The following GRID2 variants were observed in gnomAD, a reference collection of about 807,000 sequenced individuals.
The protein encoded by GRID2 is glutamate receptor ionotropic, delta-2.
GRID2 carries 33 observed loss-of-function variants against 114.8 expected under a neutral mutation model. The ratio of observed to expected loss-of-function variants is 0.29; its 90% CI spans 0.22 to 0.38. The LOEUF (loss-of-function observed/expected upper bound fraction) is 0.38. Among genes scored for constraint, GRID2 ranks in the 10% least tolerant of loss-of-function variants. GRID2 has a pLI of 1.00. For synonymous variants in GRID2, 505 were observed against 449.9 expected, an observed-to-expected ratio of 1.12 and a Z score of -1.55; for missense variants, 1,184 against 1,257.7, an observed-to-expected ratio of 0.94 and a Z score of 0.89.
chr4:92,839,431 A>T (rs1449882132), intron 2 of GRID2, among the ~76,000 whole-genome samples: 6 of 66,566 alleles, frequency 9.0e-5, no homozygotes, highest in Admixed American at 6.4e-4. Context: ...CCCCCACCAC[A>T]CAACAGTCCC....
chr4:92,959,567 G>A (rs765277453), intron 2 of GRID2, among the ~76,000 whole-genome samples: 4 of 151,930 alleles, frequency 2.6e-5, no homozygotes, highest in Admixed American at 6.6e-5. Flanking sequence ...TATGTTTATT[G>A]CAGCACTATT....
chr4:92,716,183 C>T (rs549183367), intron 2 of GRID2, among the ~76,000 whole-genome samples: 50 of 152,220 alleles, frequency 3.3e-4, no homozygotes, highest in Non-Finnish European at 4.4e-4. Context: ...TTTTCTTTCA[C>T]GAGTCAAAAT....
intron 8 of GRID2, among the ~76,000 whole-genome samples, chr4:93,297,642 C>T (rs1413085820): frequency 6.6e-6 from 1 of 152,104 alleles, no homozygotes; most frequent in Admixed American, 6.6e-5. Context: ...GCTATCTATT[C>T]CATATGATTT....
chr4:92,928,461 C>A (rs3911386), intron 2 of GRID2, among the ~76,000 whole-genome samples: 1 of 151,216 alleles, frequency 6.6e-6, no homozygotes, highest in African/African-American at 2.4e-5. Context: ...TTCTCATACA[C>A]GGAGAATTAA....
chr4:93,062,428 C>G (rs1366321773), intron 2 of GRID2, among the ~76,000 whole-genome samples: 1 of 152,068 alleles, frequency 6.6e-6, no homozygotes, highest in East Asian at 1.9e-4. Context: ...ATTTGCTTAT[C>G]TCTTATATAA....
At chr4:92,866,439 C>A (rs974356158) in intron 2 of GRID2, among the ~76,000 whole-genome samples, 1 of 152,068 alleles carries the variant, frequency 6.6e-6, no homozygotes, top group Non-Finnish European at 1.5e-5. Context: ...TTGTCCCATG[C>A]CTAGGAAATA....
At position 93,222,284 on chromosome 4, in the gene GRID2, G is replaced by A. The variant is rs137886700; in HGVS notation, c.964-2330G>A. Among the ~76,000 whole-genome samples, 247 of 152,042 alleles carry A rather than the reference G, an allele frequency of 1.6e-3. 1 individual carries two copies. In the Middle Eastern group the frequency reaches 0.017, roughly 10 times the overall value. ...CAAAGACGTATGCACTGTGTGTTCC[G>A]GTAGATGAAAAGAGGTGCTCAACCT... On this transcript the variant is annotated intron_variant, in intron 6 of 15. Transcript: ENST00000282020.
At chr4:93,286,556 T>G (rs2149136287) in intron 8 of GRID2, among the ~76,000 whole-genome samples, 1 of 152,174 alleles carries the variant, frequency 6.6e-6, no homozygotes, top group East Asian at 1.9e-4. Flanking sequence ...CAAGCCTCAC[T>G]CACCAACAAA....
intron 2 of GRID2, among the ~76,000 whole-genome samples, chr4:92,821,711 C>T (rs1009889668): frequency 6.6e-6 from 1 of 152,100 alleles, no homozygotes; most frequent in Non-Finnish European, 1.5e-5. Flanking sequence ...ACCATAAAAG[C>T]TATTTTAAGT....
intron 8 of GRID2, among the ~76,000 whole-genome samples, chr4:93,343,718 T>G (rs886500646): frequency 6.6e-6 from 1 of 152,096 alleles, no homozygotes; most frequent in Non-Finnish European, 1.5e-5. Context: ...GAATCAAATA[T>G]TATGTTAAAG....
chr4:92,924,624 C>T (rs1366676926), intron 2 of GRID2, among the ~76,000 whole-genome samples: 1 of 152,076 alleles, frequency 6.6e-6, no homozygotes, highest in Non-Finnish European at 1.5e-5. Context: ...CATGCTGTTG[C>T]ATGAGGTTAT....
At chr4:92,688,037 C>CCTTT (rs1553916864) in intron 2 of GRID2, among the ~76,000 whole-genome samples, 919 of 44,660 alleles carry the variant, frequency 0.021, 63 homozygotes, top group Non-Finnish European at 0.031. Context: ...CCTTCTTCTT[C>CCTTT]TTTTTTTTTT....
chr4:92,921,021 A>G (rs1035238719), intron 2 of GRID2, among the ~76,000 whole-genome samples: 3 of 152,120 alleles, frequency 2.0e-5, no homozygotes, highest in African/African-American at 2.4e-5. Context: ...ACATAGTCCC[A>G]TATTTCTTGG....
chr4:92,391,167 T>TA (rs1269525516), intron 1 of GRID2, among the ~76,000 whole-genome samples: 4 of 152,196 alleles, frequency 2.6e-5, no homozygotes, highest in African/African-American at 9.6e-5. Flanking sequence ...TTGATTAATC[T>TA]ATCAATCTCT....
intron 8 of GRID2, among the ~76,000 whole-genome samples, chr4:93,261,409 G>A (rs897400187): frequency 1.7e-4 from 26 of 151,796 alleles, no homozygotes; most frequent in Admixed American, 1.6e-3. Flanking sequence ...CAGTATTAGT[G>A]ACAGGTTCTT....
chr4:93,338,349 G>A (rs754452267), intron 8 of GRID2, among the ~76,000 whole-genome samples: 3 of 152,116 alleles, frequency 2.0e-5, no homozygotes, highest in African/African-American at 4.8e-5. Flanking sequence ...GATGATCTCT[G>A]TGGTGTAAAT....
At chr4:92,594,801 G>A (rs1728869284) in intron 2 of GRID2, among the ~76,000 whole-genome samples, 1 of 151,832 alleles carries the variant, frequency 6.6e-6, no homozygotes, top group Non-Finnish European at 1.5e-5. Context: ...ACAACATTTA[G>A]CATAAATGTA....
intron 13 of GRID2, among the ~76,000 whole-genome samples, chr4:93,525,447 A>T (rs569128061): frequency 1.8e-4 from 27 of 152,284 alleles, no homozygotes; most frequent in African/African-American, 5.8e-4. Flanking sequence ...TGGGCCATGT[A>T]TCACTGGAAC....
At chr4:92,380,543 A>G (rs1455038281) in intron 1 of GRID2, among the ~76,000 whole-genome samples, 3 of 151,938 alleles carry the variant, frequency 2.0e-5, no homozygotes, top group African/African-American at 7.2e-5. Context: ...ATGTATTTTA[A>G]GTATATTTTG....
Sources: gnomAD v4.1 joint callset for allele counts (sites outside exome capture counted in the v4.1 genomes callset) on GRCh38, gnomAD v4.1.1 for gene constraint, MANE v1.5 for transcripts, NCBI Gene and HGNC (gene_info 2026-07-23, HGNC 2026-07-21) for gene names.